Variants in MEIS2 observed in about 807,000 individuals in gnomAD.
MEIS2 encodes the protein homeobox protein Meis2.
A neutral mutation model predicts 58.6 loss-of-function variants in MEIS2; 9 were observed. The observed-to-expected ratio is 0.15, with a 90% confidence interval of 0.09 to 0.27. The LOEUF (loss-of-function observed/expected upper bound fraction) is 0.27, where lower values mean the gene tolerates loss of function less well. Ranked by LOEUF, MEIS2 falls within the 10% of genes least tolerant of loss-of-function variation. The pLI is 1.00. For synonymous variants in MEIS2, 221 were observed against 228.4 expected, an observed-to-expected ratio of 0.97 and a Z score of 0.29; for missense variants, 427 against 635.0, an observed-to-expected ratio of 0.67 and a Z score of 3.52.
intron 9 of MEIS2, among the ~76,000 whole-genome samples, chr15:36,943,900 G>A (rs985246621): frequency 4.6e-5 from 7 of 151,872 alleles, no homozygotes; most frequent in Admixed American, 2.6e-4. Context: ...ACTTTTAAAA[G>A]GCTCTTGCTG....
At position 36,995,956 on chromosome 15, in the gene MEIS2, GAT is replaced by G. The variant is rs539738718; in HGVS notation, c.900+40856_900+40857del. On this transcript the variant is annotated intron_variant, in intron 8 of 11. Transcript: ENST00000561208. ...TAGTTAACCATTTCCTCTAGTCTGA[GAT>G]ATATATATATATATATATATATATA... Among the ~76,000 whole-genome samples, 617 of 112,350 alleles carry G rather than the reference GAT, an allele frequency of 5.5e-3. 2 individuals carry two copies. The highest frequency in any genetic ancestry group is 0.018 in the African/African-American group (540 of 29,656). 73.7% of individuals were successfully genotyped at this position (112,350 alleles called of 152,430 possible). A position where few individuals can be genotyped will look rare whatever the true frequency, so the allele number is the denominator to read the frequency against.
intron 7 of MEIS2, among the ~76,000 whole-genome samples, chr15:37,053,886 A>G (rs2141818266): frequency 6.6e-6 from 1 of 152,332 alleles, no homozygotes; most frequent in South Asian, 2.1e-4. Context: ...GTGATCTTGG[A>G]TAAAAATGCC....
intron 9 of MEIS2, among the ~76,000 whole-genome samples, chr15:36,901,358 G>A (rs768862589): frequency 1.3e-5 from 2 of 152,204 alleles, no homozygotes; most frequent in Non-Finnish European, 2.9e-5. Context: ...GGTTACAGCT[G>A]AGAGTAGGAT....
intron 9 of MEIS2, among the ~76,000 whole-genome samples, chr15:36,914,834 A>T (rs947887525): frequency 2.0e-5 from 3 of 152,268 alleles, no homozygotes; most frequent in South Asian, 4.1e-4. Flanking sequence ...CCAATTAACC[A>T]AGCATTAAAA....
At chr15:36,989,478 T>C (rs554496870) in intron 8 of MEIS2, among the ~76,000 whole-genome samples, 84 of 152,280 alleles carry the variant, frequency 5.5e-4, no homozygotes, top group African/African-American at 2.0e-3. Flanking sequence ...TCAGCTTCAA[T>C]TCCCTTGCAT....
At chr15:37,074,765 T>C (rs1209519411) in intron 7 of MEIS2, among the ~76,000 whole-genome samples, 1 of 151,990 alleles carries the variant, frequency 6.6e-6, no homozygotes, top group Non-Finnish European at 1.5e-5. Context: ...CTGGCAGATA[T>C]TGAGTAAAAC....
chr15:37,098,431 A>C, intron 1 of MEIS2: 1 of 1,218,920 alleles, frequency 8.2e-7, no homozygotes, highest in Non-Finnish European at 1.0e-6. Flanking sequence ...AGAGAAAATA[A>C]AAATAAAAAC....
At chr15:37,099,001 G>T (rs1177637596) in intron 1 of MEIS2, 2 of 983,386 alleles carry the variant, frequency 2.0e-6, no homozygotes, top group East Asian at 1.1e-4. Context: ...CAGCGGCTGC[G>T]GCAGCGCGGC....
intron 1 of MEIS2, chr15:37,098,552 T>C (rs1002914275): frequency 2.1e-5 from 8 of 374,920 alleles, no homozygotes; most frequent in Non-Finnish European, 3.1e-5. Context: ...AATTTAAAAA[T>C]GAAAAAGCAT....
chr15:36,911,861 A>G (rs994439485), intron 9 of MEIS2, among the ~76,000 whole-genome samples: 1 of 152,138 alleles, frequency 6.6e-6, no homozygotes, highest in Non-Finnish European at 1.5e-5. Flanking sequence ...TAAAATTACT[A>G]TTTGCTGTGA....
intron 8 of MEIS2, among the ~76,000 whole-genome samples, chr15:36,998,236 GTTTT>G (rs5811954): frequency 1.5e-5 from 1 of 66,754 alleles, no homozygotes; most frequent in African/African-American, 5.7e-5. Context: ...AAAACACAAA[GTTTT>G]TTTTTTTTTT....
chr15:37,070,878 T>A (rs1250000419), intron 7 of MEIS2, among the ~76,000 whole-genome samples: 1 of 152,116 alleles, frequency 6.6e-6, no homozygotes, highest in African/African-American at 2.4e-5. Flanking sequence ...TTATTTTTTT[T>A]AAAGAGCTAT....
chr15:37,049,764 G>A (rs2062836967), intron 7 of MEIS2, among the ~76,000 whole-genome samples: 1 of 151,492 alleles, frequency 6.6e-6, no homozygotes, highest in African/African-American at 2.4e-5. Flanking sequence ...TGGGATTACA[G>A]GCGTGAGCCA....
chr15:37,098,115 T>G lies in MEIS2; in HGVS notation c.97A>C (p.Ile33Leu), dbSNP rs774160502. 1 of 1,613,254 alleles carries G rather than the reference T, an allele frequency of 6.2e-7. No individual in the cohort carries two copies. Among genetic ancestry groups the G allele is most frequent in the Non-Finnish European group, 8.5e-7 (1 of 1,179,830 alleles). ...TGGTTCAGGTGGTGAACCGGGGGGA[T>G]CGGCCGCGGCGCGTGAGGGTCTCCG... ...MYGDPHAPRP[I>L]PPVHHLNHGP... The change falls in exon 2 of 12, where the codon ATC (isoleucine) becomes CTC (leucine). Residue 33 changes from isoleucine (I) to leucine (L), a missense_variant. Physicochemically the swap from Ile to Leu is conservative, Grantham distance 5. Coordinates refer to ENST00000561208, the MANE Select transcript of MEIS2 (RefSeq NM_170675.5).
rs930082370 is a variant in MEIS2 at position 37,067,927 on chromosome 15, G to A, written c.754+15844C>T. On this transcript the variant is annotated intron_variant, in intron 7 of 11. Coordinates refer to ENST00000561208, the MANE Select transcript of MEIS2 (RefSeq NM_170675.5). ...CTATGGAACCAAAACTAATAAAGCCGGTGGTCACATGCATATTATTATCAC... is the reference window on the plus strand; with the variant it reads ...CTATGGAACCAAAACTAATAAAGCCAGTGGTCACATGCATATTATTATCAC... Among the ~76,000 whole-genome samples the A allele has an allele frequency of 5.3e-5, 8 of 152,144 alleles. 1 individual carries two copies. The South Asian group carries it at 6.2e-4, about 12-fold the overall frequency.
At chr15:36,959,199 C>T (rs2059097069) in intron 8 of MEIS2, among the ~76,000 whole-genome samples, 1 of 152,174 alleles carries the variant, frequency 6.6e-6, no homozygotes, top group Admixed American at 6.5e-5. Flanking sequence ...ATTTCACACA[C>T]ATGATCTCAG....
intron 7 of MEIS2, among the ~76,000 whole-genome samples, chr15:37,075,353 A>G (rs1891260247): frequency 6.6e-6 from 1 of 151,788 alleles, no homozygotes; most frequent in Admixed American, 6.6e-5. Context: ...GAACCTACCT[A>G]CAACGAAATA....
intron 7 of MEIS2, among the ~76,000 whole-genome samples, chr15:37,049,511 G>C (rs1457822648): frequency 1.3e-5 from 2 of 149,232 alleles, no homozygotes; most frequent in African/African-American, 5.1e-5. Flanking sequence ...TTTGGAGACA[G>C]AGTCTCACTC....
intron 8 of MEIS2, among the ~76,000 whole-genome samples, chr15:36,964,174 G>C (rs2059282461): frequency 6.6e-6 from 1 of 152,136 alleles, no homozygotes; most frequent in Admixed American, 6.5e-5. Context: ...ATTTCTTTAT[G>C]AACAAATCTA....
Sources: allele counts gnomAD v4.1 joint callset (sites outside exome capture counted in the v4.1 genomes callset), GRCh38; gene constraint gnomAD v4.1.1; transcripts MANE v1.5; gene names NCBI Gene and HGNC (gene_info 2026-07-23, HGNC 2026-07-21).